The following GIT2 variants were observed in gnomAD, a reference collection of about 807,000 sequenced individuals.
The protein encoded by GIT2 is ARF GTPase-activating protein GIT2.
A neutral mutation model predicts 100.3 loss-of-function variants in GIT2; 32 were observed. The ratio of observed to expected loss-of-function variants is 0.32; its 90% CI spans 0.24 to 0.43. GIT2 has a LOEUF of 0.43. GIT2 is among the 20% of genes least tolerant of loss of function. The pLI, the probability that GIT2 is intolerant of heterozygous loss-of-function variation, is 1.00. For missense variants in GIT2, 737 were observed against 975.1 expected (o/e 0.76, Z 3.25); for synonymous variants, 353 against 364.1 (o/e 0.97, Z 0.35).
chr12:109,999,675 A>G (rs1889838861), upstream of GIT2: 1 of 1,527,998 alleles, frequency 6.5e-7, no homozygotes, highest in Non-Finnish European at 8.8e-7. This position sits in a 1 kb window ranked among gnomAD's most constrained non-coding sequence, Gnocchi z 4.3. Flanking sequence ...GGACCAGGTT[A>G]CGGCCTCCTC....
At chr12:109,980,811 T>A in intron 7 of GIT2, 141 bp downstream of exon 7, 1 of 660,130 alleles carries the variant, frequency 1.5e-6, no homozygotes, top group Non-Finnish European at 2.7e-6. Flanking sequence ...TCTGTAGTTA[T>A]CCTTTCAAAT....
At chr12:109,985,403 T>G (rs76418740) in intron 4 of GIT2, among the ~76,000 whole-genome samples, 3,725 of 152,196 alleles carry the variant, frequency 0.024, 68 homozygotes, top group South Asian at 0.053. Flanking sequence ...AGCCAGATTC[T>G]GCTGGGGATT....
At chr12:109,942,190 T>C (rs1874958763) in intron 16 of GIT2, among the ~76,000 whole-genome samples, 1 of 152,154 alleles carries the variant, frequency 6.6e-6, no homozygotes, top group African/African-American at 2.4e-5. Context: ...TGTGTGTGTA[T>C]ACATATACAC....
At position 109,932,801 on chromosome 12, in the gene GIT2, G is replaced by C. The variant is rs1420324751; in HGVS notation, c.*177C>G. 8 of 578,892 alleles carry C rather than the reference G, an allele frequency of 1.4e-5. No individual in the cohort carries two copies. The highest frequency in any genetic ancestry group is 2.5e-5 in the Non-Finnish European group (8 of 324,040). The allele number at this position is 578,892 out of a possible 1,614,324, so 35.9% of individuals were successfully genotyped here. ...AATAGGCACAAAATAAGGCAAGTGG[G>C]TTAAATAGTTGAAAATTGGTTAGAA... On this transcript the variant is annotated 3_prime_UTR_variant, in exon 20 of 20. Coordinates refer to ENST00000355312, the MANE Select transcript of GIT2 (RefSeq NM_057169.5).
chr12:109,950,345 T>C (rs74792875), intron 14 of GIT2, among the ~76,000 whole-genome samples: 2,498 of 152,360 alleles, frequency 0.016, 36 homozygotes, highest in South Asian at 0.053. Flanking sequence ...TATTTCATTT[T>C]GTTTCTGGTT....
intron 13 of GIT2, 112 bp downstream of exon 13, chr12:109,952,980 C>T: frequency 3.0e-6 from 3 of 999,106 alleles, no homozygotes; most frequent in Non-Finnish European, 4.5e-6. Flanking sequence ...CTTGTTTCAC[C>T]TTTGCTTGGC....
At position 109,947,179 on chromosome 12, in the gene GIT2, C is replaced by T; in HGVS notation, c.1641+77G>A. On this transcript the variant is annotated intron_variant, in intron 15 of 19. Transcript: ENST00000355312. The surrounding 1 kb of genome is among the most constrained non-coding windows in gnomAD (Gnocchi z 4.3). ...ATTTGGCAAAGCAGAGCTGTGGGGACCTGTAGGTTCAGAAGAGGGAACAGA... is the reference window on the plus strand; with the variant it reads ...ATTTGGCAAAGCAGAGCTGTGGGGATCTGTAGGTTCAGAAGAGGGAACAGA... 1 of 1,410,420 alleles carries T rather than the reference C, an allele frequency of 7.1e-7. No individual in the cohort carries two copies. Among genetic ancestry groups the T allele is most frequent in the Non-Finnish European group, 9.8e-7 (1 of 1,025,298 alleles). 87.4% of individuals were successfully genotyped at this position (1,410,420 alleles called of 1,614,324 possible). A position where few individuals can be genotyped will look rare whatever the true frequency, so the allele number is the denominator to read the frequency against.
Position 109,948,805 on chromosome 12 carries a change from A to G in GIT2, c.1393-1301T>C. The G allele has an allele frequency of 6.2e-7, 1 of 1,604,080 alleles. No individual in the cohort carries two copies. The highest frequency in any genetic ancestry group is 8.5e-7 in the Non-Finnish European group (1 of 1,175,902). On this transcript the variant is annotated intron_variant, in intron 14 of 19. Coordinates refer to ENST00000355312, the MANE Select transcript of GIT2 (RefSeq NM_057169.5). This position sits in a 1 kb window ranked among gnomAD's most constrained non-coding sequence, Gnocchi z 4.3. ...ACCAATCTGTGAAAAATACACCAAT[A>G]GTAGTTGCTCCTCTTCATTAATTAG...
chr12:109,998,619 T>C (rs1196988650), upstream of GIT2: 1 of 152,234 alleles, frequency 6.6e-6, no homozygotes, highest in East Asian at 1.9e-4. Context: ...ATGTATATTA[T>C]TTATCAGTCC....
intron 15 of GIT2, among the ~76,000 whole-genome samples, chr12:109,946,664 C>CT (rs993420638): frequency 6.6e-6 from 1 of 152,178 alleles, no homozygotes; most frequent in African/African-American, 2.4e-5. Context: ...CAAAGCCACA[C>CT]TTCCCCCACC....
chr12:109,996,983 G>A (rs1889521973), upstream of GIT2, among the ~76,000 whole-genome samples: 2 of 151,318 alleles, frequency 1.3e-5, no homozygotes, highest in Non-Finnish European at 2.9e-5. Flanking sequence ...AGGCCGAGGC[G>A]GGTGGATCAC....
chr12:109,972,019 A>G (rs1319673059), intron 7 of GIT2, among the ~76,000 whole-genome samples: 2 of 151,696 alleles, frequency 1.3e-5, no homozygotes, highest in East Asian at 1.9e-4. Context: ...AAATATATAT[A>G]TATATATGGA....
At chr12:109,989,153 GA>G (rs550033648) in intron 3 of GIT2, 85 bp from the exon 4 acceptor site, 2 of 830,366 alleles carry the variant, frequency 2.4e-6, no homozygotes, top group Non-Finnish European at 4.2e-6. Flanking sequence ...AAGAGGAAGT[GA>G]CCCACATCCC....
At chr12:109,971,642 C>T (rs138714488) in intron 7 of GIT2, among the ~76,000 whole-genome samples, 212 of 151,394 alleles carry the variant, frequency 1.4e-3, no homozygotes, top group African/African-American at 4.6e-3. Context: ...GCTTTTATTA[C>T]TGGTATTGCT....
chr12:109,940,958 G>A (rs891854455), intron 16 of GIT2, among the ~76,000 whole-genome samples: 4 of 150,790 alleles, frequency 2.7e-5, no homozygotes, highest in Admixed American at 1.3e-4. Flanking sequence ...CATAAAGCCT[G>A]TCACTCCTTA....
chr12:109,953,027 G>T (rs1322133103), intron 13 of GIT2, 65 bp downstream of exon 13: 139 of 1,551,248 alleles, frequency 9.0e-5, no homozygotes, highest in Non-Finnish European at 8.0e-5. Context: ...CTGCACAGCA[G>T]CTTTGGCAGG....
intron 7 of GIT2, among the ~76,000 whole-genome samples, chr12:109,975,864 C>T (rs186275146): frequency 2.0e-5 from 3 of 150,930 alleles, no homozygotes; most frequent in South Asian, 2.1e-4. Context: ...CTCTGCCTCC[C>T]GGGTTCAAGC....
chr12:109,992,479 G>A (rs780773178), intron 1 of GIT2, among the ~76,000 whole-genome samples: 3 of 152,016 alleles, frequency 2.0e-5, no homozygotes, highest in Non-Finnish European at 2.9e-5. Context: ...GAATTATGCA[G>A]ATAGCATTTT....
chr12:109,999,465 A>C, upstream of GIT2: 1 of 244,482 alleles, frequency 4.1e-6, no homozygotes, highest in Non-Finnish European at 7.7e-6. This position sits in a 1 kb window ranked among gnomAD's most constrained non-coding sequence, Gnocchi z 4.3. Flanking sequence ...GCGGGCGGGA[A>C]CGCCGCGGGG....
Sources: allele counts gnomAD v4.1 joint callset (sites outside exome capture counted in the v4.1 genomes callset), GRCh38; gene constraint gnomAD v4.1.1; non-coding constraint Gnocchi (gnomAD v3.1); transcripts MANE v1.5; gene names NCBI Gene and HGNC (gene_info 2026-07-23, HGNC 2026-07-21).